Variants in PCDH15 observed in about 807,000 individuals in gnomAD.
PCDH15 encodes protocadherin-15.
Under a neutral mutation model 178.5 loss-of-function variants are expected in PCDH15, and 129 were observed. The observed-to-expected ratio is 0.72, with a 90% CI of 0.63 to 0.84. The LOEUF is 0.84. Ranked by LOEUF, PCDH15 falls within the 40% of genes least tolerant of loss-of-function variation. The probability of loss-of-function intolerance (pLI) is 0.00; values close to 1 mark genes in which losing one functional copy is unlikely to be tolerated. For missense variants in PCDH15, 2,230 were observed against 2,099.9 expected (o/e 1.06, Z -1.21); for synonymous variants, 800 against 732.0 (o/e 1.09, Z -1.50).
chr10:54,933,583 C>T (rs1378928545), intron 2 of PCDH15, among the ~76,000 whole-genome samples: 1 of 152,108 alleles, frequency 6.6e-6, no homozygotes, highest in East Asian at 1.9e-4. Flanking sequence ...GGAAATTTAT[C>T]AGCATAAAGC....
At chr10:54,242,133 TATATATATA>T (rs2055402584) in intron 8 of PCDH15, among the ~76,000 whole-genome samples, 2 of 3,090 alleles carry the variant, frequency 6.5e-4, no homozygotes, top group Non-Finnish European at 1.2e-3. Flanking sequence ...TCTATTTTTA[TATATATATA>T]TATATATATA....
chr10:53,982,836 T>TA (rs140874763), intron 21 of PCDH15, among the ~76,000 whole-genome samples: 8,058 of 151,436 alleles, frequency 0.053, 330 homozygotes, highest in East Asian at 0.19. Flanking sequence ...TAAAAAAATA[T>TA]AAAAAAAGAA....
At chr10:55,263,813 C>A (rs577119390) in intron 1 of PCDH15, among the ~76,000 whole-genome samples, 3 of 152,158 alleles carry the variant, frequency 2.0e-5, no homozygotes, top group Non-Finnish European at 4.4e-5. Context: ...CGGCTCACTG[C>A]AAGCTCTGCC....
intron 2 of PCDH15, among the ~76,000 whole-genome samples, chr10:55,624,479 T>G (rs1837481234): frequency 1.3e-5 from 2 of 150,756 alleles, no homozygotes; most frequent in East Asian, 1.9e-4. Context: ...CTGGGAAATG[T>G]CAGTTGACTA....
chr10:54,230,534 T>C (rs944788736), intron 9 of PCDH15, among the ~76,000 whole-genome samples: 2 of 151,890 alleles, frequency 1.3e-5, no homozygotes, highest in Non-Finnish European at 2.9e-5. Flanking sequence ...GATATATGCA[T>C]TGAGGAAGGG....
intron 2 of PCDH15, among the ~76,000 whole-genome samples, chr10:55,595,667 G>A (rs1842923239): frequency 6.6e-6 from 1 of 151,916 alleles, no homozygotes; most frequent in African/African-American, 2.4e-5. Context: ...ACCAAGTCAC[G>A]GCAATTTTTT....
chr10:54,654,060 T>G (rs7086650), intron 2 of PCDH15, among the ~76,000 whole-genome samples: 3,060 of 152,324 alleles, frequency 0.02, 63 homozygotes, highest in East Asian at 0.055. Context: ...GTCACCATTG[T>G]GTGCAATAGA....
At chr10:53,918,303 A>G (rs938877550) in intron 25 of PCDH15, among the ~76,000 whole-genome samples, 2 of 152,206 alleles carry the variant, frequency 1.3e-5, no homozygotes, top group African/African-American at 2.4e-5. Context: ...ACTGAGACTC[A>G]AGGAGATTAA....
At chr10:54,296,990 TG>T (rs933717040) in intron 8 of PCDH15, among the ~76,000 whole-genome samples, 2 of 152,116 alleles carry the variant, frequency 1.3e-5, no homozygotes, top group Admixed American at 6.5e-5. Flanking sequence ...CATTCCTCCT[TG>T]TGGTCTAGGA....
chr10:54,127,491 G>A (rs1435814465), intron 15 of PCDH15, among the ~76,000 whole-genome samples: 1 of 152,090 alleles, frequency 6.6e-6, no homozygotes, highest in Non-Finnish European at 1.5e-5. Context: ...AAGCCATGTT[G>A]GAACAAATAT....
At chr10:55,517,730 C>T (rs898567154) in intron 2 of PCDH15, among the ~76,000 whole-genome samples, 1 of 151,970 alleles carries the variant, frequency 6.6e-6, no homozygotes, top group African/African-American at 2.4e-5. Context: ...TTCTAGTAGC[C>T]CAAATTGGTA....
At chr10:55,218,990 A>C (rs181935069) in intron 1 of PCDH15, among the ~76,000 whole-genome samples, 1 of 152,168 alleles carries the variant, frequency 6.6e-6, no homozygotes, top group Non-Finnish European at 1.5e-5. Flanking sequence ...AATGAATATC[A>C]TTCACAGGAA....
intron 2 of PCDH15, among the ~76,000 whole-genome samples, chr10:54,915,940 T>C (rs935660581): frequency 1.3e-5 from 2 of 152,174 alleles, no homozygotes; most frequent in African/African-American, 4.8e-5. Context: ...GCGATTCTCC[T>C]GCCTCAGCCT....
In PCDH15 at chr10:55,193,174, C is replaced by T. The variant is rs1057381521; in HGVS notation, c.-155-26523G>A. Among the ~76,000 whole-genome samples the T allele has an allele frequency of 6.6e-5, 10 of 151,552 alleles. No individual in the cohort carries two copies. In the South Asian group the frequency reaches 1.7e-3, roughly 25 times the overall value. On this transcript the variant is annotated intron_variant, in intron 1 of 5. Transcript: ENST00000458638. The stretch of plus-strand genomic sequence containing the variant: ...TGTCATGCAGGAATTTTTCCCCTCA[C>T]GAGTTATGTCAGAAATTCTAGGGTG...
chr10:54,359,064 G>A (rs960903882), intron 5 of PCDH15, among the ~76,000 whole-genome samples: 2 of 151,094 alleles, frequency 1.3e-5, no homozygotes, highest in African/African-American at 4.9e-5. Flanking sequence ...AATGCTAAAT[G>A]ACGAGTTAAT....
chr10:54,269,410 T>A (rs1217330407), intron 8 of PCDH15, among the ~76,000 whole-genome samples: 2 of 151,976 alleles, frequency 1.3e-5, no homozygotes, highest in African/African-American at 4.8e-5. Context: ...CTAGCAATGA[T>A]CTGCAAGGTG....
chr10:55,399,861 C>A (rs1266906430), intron 2 of PCDH15, among the ~76,000 whole-genome samples: 1 of 152,000 alleles, frequency 6.6e-6, no homozygotes, highest in Non-Finnish European at 1.5e-5. Flanking sequence ...TATAATTCCA[C>A]AATATAGCTT....
chr10:54,357,331 C>G (rs906837963), intron 5 of PCDH15, among the ~76,000 whole-genome samples: 7 of 152,162 alleles, frequency 4.6e-5, no homozygotes, highest in African/African-American at 1.7e-4. Context: ...GATACAAAAT[C>G]AATGTACAAA....
chr10:54,388,529 A>G (rs1282547725), intron 3 of PCDH15, among the ~76,000 whole-genome samples: 1 of 152,166 alleles, frequency 6.6e-6, no homozygotes, highest in Non-Finnish European at 1.5e-5. Flanking sequence ...ACATACTGTA[A>G]GAGAATGACC....
Sources: gnomAD v4.1 joint callset for allele counts (sites outside exome capture counted in the v4.1 genomes callset) on GRCh38, gnomAD v4.1.1 for gene constraint, MANE v1.5 for transcripts, NCBI Gene and HGNC (gene_info 2026-07-23, HGNC 2026-07-21) for gene names.